Variants in RUVBL1 observed in about 807,000 individuals in gnomAD.
RUVBL1 encodes RuvB like AAA ATPase 1.
A neutral mutation model predicts 52.4 loss-of-function variants in RUVBL1; 4 were observed. The ratio of observed to expected loss-of-function variants is 0.08; its 90% CI spans 0.04 to 0.17. RUVBL1 has a LOEUF of 0.17. RUVBL1 is among the 10% of genes least tolerant of loss of function. RUVBL1 has a pLI of 1.00. For missense variants in RUVBL1, 298 were observed against 572.8 expected (o/e 0.52, Z 4.90); for synonymous variants, 217 against 214.4 (o/e 1.01, Z -0.10).
chr3:128,108,099 T>C (rs1008485356), intron 3 of RUVBL1, among the ~76,000 whole-genome samples: 18 of 152,232 alleles, frequency 1.2e-4, no homozygotes, highest in Admixed American at 1.2e-3. Context: ...ACAGGTTTCA[T>C]CTGCTGGCTC....
chr3:128,082,596 G>C lies in RUVBL1; in HGVS notation c.1120-22C>G. Reference sequence around the variant, plus strand: ...TGATCTTTTAAAGGATAAAAAACATGATCAACGGTGACTGACCTCAAGTGC... The same window carrying C: ...TGATCTTTTAAAGGATAAAAAACATCATCAACGGTGACTGACCTCAAGTGC... On this transcript the variant is annotated intron_variant, in intron 9 of 10. Coordinates refer to ENST00000322623, the MANE Select transcript of RUVBL1 (RefSeq NM_003707.3). The surrounding 1 kb of genome is among the most constrained non-coding windows in gnomAD (Gnocchi z 4.7). The C allele has an allele frequency of 6.4e-7, 1 of 1,573,722 alleles. No homozygotes were observed. Among genetic ancestry groups the C allele is most frequent in the Non-Finnish European group, 8.7e-7 (1 of 1,148,276 alleles).
At chr3:128,112,192 C>A (rs907790208) in intron 3 of RUVBL1, among the ~76,000 whole-genome samples, 4 of 152,182 alleles carry the variant, frequency 2.6e-5, no homozygotes, top group African/African-American at 9.7e-5. Flanking sequence ...AAAGAGAAGC[C>A]ATTTTCTTCT....
upstream of RUVBL1, among the ~76,000 whole-genome samples, chr3:128,128,127 G>A (rs1016200088): frequency 1.3e-5 from 2 of 152,024 alleles, no homozygotes; most frequent in African/African-American, 4.8e-5. Context: ...CGAGTAGCTG[G>A]GCATGCGCCA....
chr3:128,135,001 G>C (rs945635673), intron 1 of RUVBL1, among the ~76,000 whole-genome samples: 2 of 151,972 alleles, frequency 1.3e-5, no homozygotes, highest in African/African-American at 4.8e-5. Flanking sequence ...TCCAAACCTA[G>C]AGGAAAAAAA....
chr3:128,076,689 G>A (rs1287360023), downstream of RUVBL1, among the ~76,000 whole-genome samples: 1 of 152,066 alleles, frequency 6.6e-6, no homozygotes, highest in East Asian at 1.9e-4. The surrounding 1 kb of genome is among the most constrained non-coding windows in gnomAD (Gnocchi z 6.8). Flanking sequence ...GTGGCACCGG[G>A]ACCTCCACCC....
At chr3:128,143,204 G>A (rs1193241646) in intron 1 of RUVBL1, among the ~76,000 whole-genome samples, 4 of 140,616 alleles carry the variant, frequency 2.8e-5, no homozygotes, top group Non-Finnish European at 6.1e-5. Context: ...ACAGAGTCTC[G>A]CTCTGTTGCC....
At chr3:128,113,947 A>G (rs1943456982) in intron 2 of RUVBL1, among the ~76,000 whole-genome samples, 1 of 152,260 alleles carries the variant, frequency 6.6e-6, no homozygotes, top group Admixed American at 6.5e-5. Context: ...AAGAGTGAAG[A>G]AGGATACCTC....
exon 1 of RUVBL1, chr3:128,153,380 G>C: frequency 7.2e-7 from 1 of 1,389,336 alleles, no homozygotes; most frequent in Middle Eastern, 2.7e-4. Flanking sequence ...GAGGGCGGAA[G>C]CTTCCGGGCC....
chr3:128,086,851 T>C (rs1339423322), intron 9 of RUVBL1, among the ~76,000 whole-genome samples: 1 of 152,254 alleles, frequency 6.6e-6, no homozygotes, highest in Non-Finnish European at 1.5e-5. Context: ...TGTGGCCCTT[T>C]GGATAAAGCC....
intron 8 of RUVBL1, among the ~76,000 whole-genome samples, chr3:128,090,934 A>C (rs947572202): frequency 2.8e-4 from 43 of 152,338 alleles, no homozygotes; most frequent in African/African-American, 1.0e-3. Flanking sequence ...AAAGAAGAAA[A>C]GGTTAGAGAA....
chr3:128,136,436 C>T (rs551551718), intron 1 of RUVBL1, among the ~76,000 whole-genome samples: 27 of 151,868 alleles, frequency 1.8e-4, no homozygotes, highest in South Asian at 1.3e-3. Flanking sequence ...GACTAGCCTG[C>T]GCAACATGGT....
intron 1 of RUVBL1, among the ~76,000 whole-genome samples, chr3:128,149,295 G>C (rs1007802941): frequency 3.3e-5 from 5 of 150,138 alleles, no homozygotes; most frequent in African/African-American, 1.2e-4. Flanking sequence ...AGCAATTCTC[G>C]TGCCTCAGCC....
chr3:128,132,658 C>T (rs981732693), intron 1 of RUVBL1, among the ~76,000 whole-genome samples: 4 of 152,120 alleles, frequency 2.6e-5, no homozygotes, highest in East Asian at 1.9e-4. Flanking sequence ...GAGAATGCAG[C>T]GTCTTGAAGG....
At chr3:128,065,395 T>C in intron 9 of RUVBL1, 1 of 551,614 alleles carries the variant, frequency 1.8e-6, no homozygotes, top group Non-Finnish European at 3.2e-6. Flanking sequence ...ATGATATTTA[T>C]AGGTAACTTC....
At chr3:128,131,479 A>AAAAAC (rs1238682068) in intron 1 of RUVBL1, among the ~76,000 whole-genome samples, 3 of 152,104 alleles carry the variant, frequency 2.0e-5, no homozygotes, top group African/African-American at 7.3e-5. Context: ...CTCCATCTCA[A>AAAAAC]AAAACAAAAC....
chr3:128,121,474 G>A (rs189509296), intron 1 of RUVBL1, among the ~76,000 whole-genome samples: 2 of 151,220 alleles, frequency 1.3e-5, no homozygotes, highest in African/African-American at 4.8e-5. Context: ...ACTTCGGGAG[G>A]CCGAGGCAGG....
chr3:128,078,739 G>A (rs1942395595), downstream of RUVBL1: 1 of 152,140 alleles, frequency 6.6e-6, no homozygotes, highest in South Asian at 2.1e-4. Flanking sequence ...TCCCCACCAG[G>A]GTCTGTTTCC....
chr3:128,115,946 C>T (rs549538961), intron 2 of RUVBL1, among the ~76,000 whole-genome samples: 2 of 151,206 alleles, frequency 1.3e-5, no homozygotes, highest in South Asian at 2.1e-4. Context: ...GGCAAAATGG[C>T]GATACCCCAT....
intron 9 of RUVBL1, among the ~76,000 whole-genome samples, chr3:128,068,348 C>G (rs569228460): frequency 1.3e-5 from 2 of 152,342 alleles, no homozygotes; most frequent in South Asian, 4.1e-4. Flanking sequence ...CTGAGAGCAA[C>G]AGCTGTGACT....
Sources: allele counts gnomAD v4.1 joint callset (sites outside exome capture counted in the v4.1 genomes callset), GRCh38; gene constraint gnomAD v4.1.1; non-coding constraint Gnocchi (gnomAD v3.1); transcripts MANE v1.5; gene names NCBI Gene and HGNC (gene_info 2026-07-23, HGNC 2026-07-21).